Variants in TACR1 observed in about 807,000 individuals in gnomAD.
TACR1 encodes the protein substance-P receptor.
Under a neutral mutation model 35.8 loss-of-function variants are expected in TACR1, and 25 were observed. The ratio of observed to expected loss-of-function variants is 0.70; its 90% CI spans 0.51 to 0.98. The LOEUF is 0.98. TACR1 is among the 50% of genes least tolerant of loss of function. The pLI, the probability that TACR1 is intolerant of heterozygous loss-of-function variation, is 0.00. For missense variants in TACR1, 478 were observed against 522.9 expected, an observed-to-expected ratio of 0.91 and a Z score of 0.84; for synonymous variants, 195 against 206.7, an observed-to-expected ratio of 0.94 and a Z score of 0.48.
chr2:75,165,846 T>C (rs753693874), intron 1 of TACR1, among the ~76,000 whole-genome samples: 4 of 152,126 alleles, frequency 2.6e-5, no homozygotes, highest in Non-Finnish European at 5.9e-5. Flanking sequence ...CAGAGCCTAC[T>C]CCCCAGCTCA....
Position 75,198,705 on chromosome 2 carries a change from G to A in TACR1, c.230C>T (p.Ala77Val). The A allele has an allele frequency of 6.2e-7, 1 of 1,614,188 alleles. No homozygotes were observed. The highest frequency in any genetic ancestry group is 1.1e-5 in the South Asian group (1 of 91,074). The change falls in exon 1 of 5, where the codon GCG (alanine) becomes GTG (valine). Residue 77 changes from alanine (A) to valine (V), a missense_variant. Physicochemically the swap from Ala to Val is moderately conservative, Grantham distance 64. Transcript: ENST00000305249. ...ATTGAATGCAGCCATGGAGGCCTCC[G>A]CGAAGGCCAGGTTCACCAGAAAATA... The part of the protein sequence containing the change: ...TNYFLVNLAF[A>V]EASMAAFNTV...
chr2:75,155,691 T>G (rs1015902040), intron 1 of TACR1, among the ~76,000 whole-genome samples: 1 of 152,214 alleles, frequency 6.6e-6, no homozygotes, highest in Non-Finnish European at 1.5e-5. Flanking sequence ...ACATTTACAT[T>G]TTATCATATC....
chr2:75,168,745 G>A (rs947241761), intron 1 of TACR1, among the ~76,000 whole-genome samples: 1 of 152,190 alleles, frequency 6.6e-6, no homozygotes, highest in Non-Finnish European at 1.5e-5. Flanking sequence ...TTTGCTATCA[G>A]TAATTAAAAA....
chr2:75,177,253 G>A (rs562048813), intron 1 of TACR1, among the ~76,000 whole-genome samples: 11 of 152,042 alleles, frequency 7.2e-5, no homozygotes, highest in South Asian at 6.2e-4. Flanking sequence ...CCTCTCGTTC[G>A]TTGGACCTTT....
intron 1 of TACR1, among the ~76,000 whole-genome samples, chr2:75,186,614 A>G (rs189278741): frequency 1.6e-3 from 239 of 151,868 alleles, no homozygotes; most frequent in African/African-American, 5.5e-3. Flanking sequence ...GGAGTTGTGC[A>G]GGTAATATTC....
At chr2:75,108,148 T>C (rs1673686791) in intron 2 of TACR1, among the ~76,000 whole-genome samples, 1 of 152,082 alleles carries the variant, frequency 6.6e-6, no homozygotes, top group African/African-American at 2.4e-5. Flanking sequence ...ATTCCAATGC[T>C]ATTTTGGAAA....
intron 2 of TACR1, among the ~76,000 whole-genome samples, chr2:75,066,267 G>T (rs141705495): frequency 6.6e-6 from 1 of 152,280 alleles, no homozygotes; most frequent in East Asian, 1.9e-4. Context: ...TGTAAGGAAG[G>T]TAATTGCCTT....
intron 2 of TACR1, among the ~76,000 whole-genome samples, chr2:75,078,518 A>G (rs1673020881): frequency 6.6e-6 from 1 of 151,998 alleles, no homozygotes; most frequent in African/African-American, 2.4e-5. Flanking sequence ...CCTTGTCTCT[A>G]TTTTATTATT....
chr2:75,111,133 C>T (rs1276750407), intron 2 of TACR1, among the ~76,000 whole-genome samples: 7 of 152,016 alleles, frequency 4.6e-5, no homozygotes, highest in Admixed American at 6.5e-5. Flanking sequence ...CAGTTTGTCA[C>T]GTGCAGAAGT....
chr2:75,160,056 T>A (rs1010363500), intron 1 of TACR1, among the ~76,000 whole-genome samples: 1 of 152,090 alleles, frequency 6.6e-6, no homozygotes, highest in Non-Finnish European at 1.5e-5. Context: ...AAAGATGGGC[T>A]GGAAAGTAAG....
At chr2:75,169,491 G>C (rs907652164) in intron 1 of TACR1, among the ~76,000 whole-genome samples, 4 of 152,258 alleles carry the variant, frequency 2.6e-5, no homozygotes, top group South Asian at 2.1e-4. Flanking sequence ...CTCAATTACT[G>C]TCTGACATTT....
chr2:75,182,973 T>G (rs1334470444), intron 1 of TACR1, among the ~76,000 whole-genome samples: 1 of 152,224 alleles, frequency 6.6e-6, no homozygotes, highest in African/African-American at 2.4e-5. Context: ...TTATTAATAC[T>G]TATTTCTCCC....
At position 75,169,528 on chromosome 2, in the gene TACR1, C is replaced by G. The variant is rs1226169104; in HGVS notation, c.389+29018G>C. Among the ~76,000 whole-genome samples the G allele has an allele frequency of 3.3e-5, 5 of 152,262 alleles. No individual in the cohort carries two copies. In the East Asian group the frequency reaches 9.6e-4, roughly 29 times the overall value. ...TTGCCATCTATCAGAAGACTGAGAT[C>G]AGAATAATTTTTGTTTCCTTTTAGT... is the stretch of plus-strand genomic sequence containing the variant. On this transcript the variant is annotated intron_variant, in intron 1 of 4. Transcript: ENST00000305249.
chr2:75,063,952 C>T (rs1672719145), intron 2 of TACR1, among the ~76,000 whole-genome samples: 1 of 152,288 alleles, frequency 6.6e-6, no homozygotes, highest in African/African-American at 2.4e-5. Flanking sequence ...AGGTTGGCAG[C>T]TTCTCAGAAG....
chr2:75,140,690 A>C (rs1466277184), intron 1 of TACR1, among the ~76,000 whole-genome samples: 1 of 152,218 alleles, frequency 6.6e-6, no homozygotes. Context: ...CATGCTGCCC[A>C]GTGGCTTTAT....
rs770008587 is a variant in TACR1 at position 75,049,723 on chromosome 2, C to A, written c.933G>T (p.Arg311Ser). 16 of 1,611,456 alleles carry A rather than the reference C, an allele frequency of 9.9e-6. No homozygotes were observed. The highest frequency in any genetic ancestry group is 1.4e-5 in the Non-Finnish European group (16 of 1,178,276). The change falls in exon 5 of 5, where the codon AGG becomes AGT. Residue 311 changes from arginine (R) to serine (S), a missense_variant and splice_region_variant. Physicochemically the swap from Arg to Ser is moderately radical, Grantham distance 110 (BLOSUM62 -1). Coordinates refer to ENST00000305249, the MANE Select transcript of TACR1 (RefSeq NM_001058.4). ...NPIIYCCLNDRFRLGFKHAFR... is the reference protein window; with the variant it reads ...NPIIYCCLNDSFRLGFKHAFR... Reference sequence around the variant, plus strand: ...AGGCATGCTTGAAGCCCAGACGGAACCTGGAGAGCGAGCAGATGAAGAGGT... The same window carrying A: ...AGGCATGCTTGAAGCCCAGACGGAAACTGGAGAGCGAGCAGATGAAGAGGT...
chr2:75,197,448 G>T (rs1676021637), intron 1 of TACR1, among the ~76,000 whole-genome samples: 1 of 152,152 alleles, frequency 6.6e-6, no homozygotes, highest in East Asian at 1.9e-4. Context: ...GACATCAAAA[G>T]ACTCCATTTT....
intron 2 of TACR1, among the ~76,000 whole-genome samples, chr2:75,112,329 T>C (rs1673767939): frequency 6.6e-6 from 1 of 152,070 alleles, no homozygotes; most frequent in South Asian, 2.1e-4. Flanking sequence ...TTGTTTATTA[T>C]TTTCTTGAAC....
At chr2:75,082,815 C>T (rs1044577658) in intron 2 of TACR1, among the ~76,000 whole-genome samples, 3 of 152,052 alleles carry the variant, frequency 2.0e-5, no homozygotes, top group Non-Finnish European at 4.4e-5. Context: ...ATTGTAGATT[C>T]TGGATATTAG....
Sources: gnomAD v4.1 joint callset for allele counts (sites outside exome capture counted in the v4.1 genomes callset) on GRCh38, gnomAD v4.1.1 for gene constraint, MANE v1.5 for transcripts, NCBI Gene and HGNC (gene_info 2026-07-23, HGNC 2026-07-21) for gene names.